Variants in SYNE2 observed in about 807,000 individuals in gnomAD.
SYNE2 encodes spectrin repeat containing nuclear envelope protein 2.
Under a neutral mutation model 856.3 loss-of-function variants are expected in SYNE2, and 431 were observed. That is an observed-to-expected ratio of 0.50 (90% confidence interval 0.47 to 0.55). The LOEUF (loss-of-function observed/expected upper bound fraction) is 0.55. Ranked by LOEUF, SYNE2 falls within the 20% of genes least tolerant of loss-of-function variation. SYNE2 has a pLI of 0.00. For missense variants in SYNE2, 8,129 were observed against 8,023.2 expected (o/e 1.01, Z -0.50); for synonymous variants, 2,923 against 2,872.3 (o/e 1.02, Z -0.56).
At chr14:63,778,772 C>T (rs1432496673) in intron 1 of SYNE2, among the ~76,000 whole-genome samples, 2 of 152,078 alleles carry the variant, frequency 1.3e-5, no homozygotes, top group Admixed American at 1.3e-4. Context: ...ACACTGGCCT[C>T]CCAAAGTGCC....
At chr14:63,929,425 AATATG>A (rs2095714599) in intron 2 of SYNE2, among the ~76,000 whole-genome samples, 1 of 152,216 alleles carries the variant, frequency 6.6e-6, no homozygotes, top group Admixed American at 6.5e-5. Flanking sequence ...TAAATAGGAT[AATATG>A]ATAAAGAGTA....
At chr14:63,877,125 C>T (rs1043084224) in intron 1 of SYNE2, among the ~76,000 whole-genome samples, 1 of 152,288 alleles carries the variant, frequency 6.6e-6, no homozygotes, top group East Asian at 1.9e-4. Context: ...AATGGCACAG[C>T]CACTTTCGTT....
Position 64,080,537 on chromosome 14 carries a change from C to T in SYNE2, c.11245C>T (p.Pro3749Ser). The change falls in exon 56 of 116, where the codon CCA (proline) becomes TCA (serine). Residue 3749 changes from proline to serine, a missense_variant. Pro to Ser is a moderately conservative substitution (Grantham distance 74). This residue lies in a region of SYNE2 where 5,410 missense variants were observed against 5,284.8 expected (regional missense o/e 1.02). Transcript: ENST00000555002. ...AGTTCAGGACATTGTTGAACAGGAC[C>T]CAGGACAGGCTCAAGAATGGATGGA... ...SEVQDIVEQD[P>S]GQAQEWMDNL... 1 of 1,614,024 alleles carries T rather than the reference C, an allele frequency of 6.2e-7. No individual in the cohort carries two copies. Among genetic ancestry groups the T allele is most frequent in the Non-Finnish European group, 8.5e-7 (1 of 1,180,016 alleles).
chr14:64,066,441 G>A (rs1163360637), intron 51 of SYNE2, among the ~76,000 whole-genome samples: 2 of 152,156 alleles, frequency 1.3e-5, no homozygotes, highest in Non-Finnish European at 2.9e-5. Flanking sequence ...ACTGCAGTGA[G>A]CCATGATCAT....
At chr14:63,838,448 A>C (rs978082469) in intron 1 of SYNE2, among the ~76,000 whole-genome samples, 7 of 152,168 alleles carry the variant, frequency 4.6e-5, no homozygotes, top group Admixed American at 3.3e-4. Context: ...TTAATATTTT[A>C]TTTAGAAAAA....
chr14:64,123,356 C>A (rs2097912940), intron 70 of SYNE2, among the ~76,000 whole-genome samples: 1 of 152,234 alleles, frequency 6.6e-6, no homozygotes, highest in African/African-American at 2.4e-5. Context: ...AGGCAGGCTT[C>A]TGCCTTCCAC....
At chr14:64,143,683 C>T (rs2098158879) in intron 82 of SYNE2, 89 bp from the exon 83 acceptor site, 1 of 1,399,488 alleles carries the variant, frequency 7.1e-7, no homozygotes, top group Non-Finnish European at 1.0e-6. Context: ...TGGACGGGAG[C>T]TTGGTGCCCC....
chr14:63,942,023 C>T lies in SYNE2; in HGVS notation c.316-28C>T. ...GATTAATGCTCTGGGATATTTCCTCCTTTTAACCTGCACTTTTTGTTTTCC... is the reference window on the plus strand; with the variant it reads ...GATTAATGCTCTGGGATATTTCCTCTTTTTAACCTGCACTTTTTGTTTTCC... On this transcript the variant is annotated intron_variant, in intron 5 of 115. Transcript: ENST00000555002. 2.5e-6 allele frequency: 4 copies of T among 1,598,296 alleles called. No individual in the cohort carries two copies. In the South Asian group the frequency reaches 3.3e-5, roughly 13 times the overall value.
At chr14:63,993,401 C>T (rs1043778504) in intron 21 of SYNE2, among the ~76,000 whole-genome samples, 2 of 152,172 alleles carry the variant, frequency 1.3e-5, no homozygotes, top group Non-Finnish European at 2.9e-5. Context: ...AAAAACAAAA[C>T]GAAACAAAAC....
chr14:64,223,161 CTG>C, intron 112 of SYNE2, 26 bp from the exon 113 acceptor site: 1 of 1,612,448 alleles, frequency 6.2e-7, no homozygotes, highest in South Asian at 1.1e-5. Flanking sequence ...GGACAGGTCA[CTG>C]TTTCACACAC....
rs148073366 is a variant in SYNE2, at chr14:64,165,191, A to T, written c.16480-94A>T. On this transcript the variant is annotated intron_variant, in intron 89 of 115. Coordinates refer to ENST00000555002, the MANE Select transcript of SYNE2 (RefSeq NM_182914.3). ...CATGAGCCACCGTGCCTAGCCAAAA[A>T]CATCTTGAATTTTTAGCAGCTCCCA... 649 of 1,405,346 alleles carry T rather than the reference A, an allele frequency of 4.6e-4. 7 individuals carry two copies. The East Asian group carries it at 0.014, about 30-fold the overall frequency. 87.1% of individuals were successfully genotyped at this position (1,405,346 alleles called of 1,614,324 possible).
chr14:64,016,160 T>C (rs1242022640), intron 32 of SYNE2, among the ~76,000 whole-genome samples: 5 of 151,726 alleles, frequency 3.3e-5, no homozygotes, highest in Non-Finnish European at 7.4e-5. Flanking sequence ...TGAATGCAGA[T>C]GCTTTTTTTG....
intron 1 of SYNE2, among the ~76,000 whole-genome samples, chr14:63,778,829 T>C (rs536828239): frequency 3.0e-4 from 46 of 152,106 alleles, no homozygotes; most frequent in Middle Eastern, 3.4e-3. Flanking sequence ...ATTATTTTTT[T>C]GGAATGGGGT....
chr14:63,762,486 T>C (rs1315161189), intron 1 of SYNE2, among the ~76,000 whole-genome samples: 1 of 141,546 alleles, frequency 7.1e-6, no homozygotes, highest in Admixed American at 7.1e-5. Context: ...GAAAAAACTA[T>C]CAAGAACTTT....
chr14:64,155,118 T>C (rs1037154188), intron 85 of SYNE2, among the ~76,000 whole-genome samples: 9 of 152,170 alleles, frequency 5.9e-5, no homozygotes, highest in South Asian at 2.1e-4. Context: ...TACTCCTCCA[T>C]AGATAGCCCA....
In SYNE2 at chr14:64,141,459, A is replaced by G; in HGVS notation, c.15095A>G (p.Gln5032Arg). Residue 5032 changes from glutamine (Q) to arginine (R), a missense_variant, in exon 81 of 116, where the codon CAG becomes CGG. Gln to Arg is a conservative substitution (Grantham distance 43, BLOSUM62 1). Transcript: ENST00000555002. ...DTATLRASLA[Q>R]FEQKWTMLIT... ...GCTACACTGAGAGCTTCTTTAGCACAGTTTGAACAAAAATGGACAATGCTC... is the reference window on the plus strand; with the variant it reads ...GCTACACTGAGAGCTTCTTTAGCACGGTTTGAACAAAAATGGACAATGCTC... 6.2e-7 allele frequency: 1 copy of G among 1,614,126 alleles called. No homozygotes were observed.
Position 63,997,022 on chromosome 14 carries a change from C to G in SYNE2, c.3016C>G (p.Leu1006Val), listed in dbSNP as rs1214836735. The part of the protein sequence containing the change: ...MEVLRELCEE[L>V]PSQKSQQEVK... Reference sequence around the variant, plus strand: ...AGTCCTGAGGGAGCTGTGTGAAGAGCTGCCTTCACAGAAGAGTCAACAAGA... The same window carrying G: ...AGTCCTGAGGGAGCTGTGTGAAGAGGTGCCTTCACAGAAGAGTCAACAAGA... The change falls in exon 24 of 116, where the codon CTG becomes GTG. Residue 1006 changes from leucine to valine, a missense_variant. Physicochemically the swap from Leu to Val is conservative, Grantham distance 32. Coordinates refer to ENST00000555002, the MANE Select transcript of SYNE2 (RefSeq NM_182914.3). 2 of 1,614,054 alleles carry G rather than the reference C, an allele frequency of 1.2e-6. No homozygotes were observed. Among genetic ancestry groups the G allele is most frequent in the African/African-American group, 1.3e-5 (1 of 75,038 alleles).
Position 64,162,154 on chromosome 14 carries a change from G to A in SYNE2, c.16177G>A (p.Ala5393Thr). 1 of 1,614,240 alleles carries A rather than the reference G, an allele frequency of 6.2e-7. No individual in the cohort carries two copies. Among genetic ancestry groups the A allele is most frequent in the Non-Finnish European group, 8.5e-7 (1 of 1,180,036 alleles). ...LLQLWKAYSN[A>T]HGEAAARLKQ... ...CCAGCTCTGGAAGGCCTATAGCAAT[G>A]CTCATGGTGAAGCTGCCGCAAGGCT... The change falls in exon 88 of 116, where the codon GCT (alanine) becomes ACT (threonine). Residue 5393 changes from alanine (A) to threonine (T), a missense_variant. Physicochemically the swap from Ala to Thr is moderately conservative, Grantham distance 58. Around this residue, in one of 3 missense-constraint regions of SYNE2, gnomAD observed 5,410 missense variants for 5,284.8 expected, o/e 1.02. Transcript: ENST00000555002.
At chr14:64,134,820 A>AC (rs893613272) in intron 78 of SYNE2, among the ~76,000 whole-genome samples, 3 of 150,522 alleles carry the variant, frequency 2.0e-5, no homozygotes, top group African/African-American at 7.4e-5. Context: ...CTACTAAAAT[A>AC]CAAAAAAAAA....
Sources: allele counts gnomAD v4.1 joint callset (sites outside exome capture counted in the v4.1 genomes callset), GRCh38; gene constraint gnomAD v4.1.1; regional missense constraint gnomAD v4.1.1; transcripts MANE v1.5; gene names NCBI Gene and HGNC (gene_info 2026-07-23, HGNC 2026-07-21).